The following PHACTR3 variants were observed in gnomAD, a reference collection of about 807,000 sequenced individuals.
PHACTR3 encodes phosphatase and actin regulator 3.
Under a neutral mutation model 66.8 loss-of-function variants are expected in PHACTR3, and 16 were observed. The ratio of observed to expected loss-of-function variants is 0.24; its 90% CI spans 0.16 to 0.36. The LOEUF (loss-of-function observed/expected upper bound fraction) is 0.36. Among genes scored for constraint, PHACTR3 ranks in the 10% least tolerant of loss-of-function variants. The pLI, the probability that PHACTR3 is intolerant of heterozygous loss-of-function variation, is 1.00. For synonymous variants in PHACTR3, 323 were observed against 292.1 expected (o/e 1.11, Z -1.08); for missense variants, 647 against 719.9 (o/e 0.90, Z 1.16).
chr20:59,645,099 T>A (rs1600996079), intron 1 of PHACTR3, among the ~76,000 whole-genome samples: 1 of 152,104 alleles, frequency 6.6e-6, no homozygotes, highest in Admixed American at 6.6e-5. Context: ...CTCCCACTCA[T>A]GAGTGAGAAT....
intron 1 of PHACTR3, among the ~76,000 whole-genome samples, chr20:59,657,116 C>T (rs2035643090): frequency 6.6e-6 from 1 of 151,934 alleles, no homozygotes; most frequent in Admixed American, 6.6e-5. Context: ...TTCCGGTTCT[C>T]TTCATTTGTT....
At chr20:59,770,527 A>T (rs2146881393) in intron 5 of PHACTR3, among the ~76,000 whole-genome samples, 1 of 152,314 alleles carries the variant, frequency 6.6e-6, no homozygotes, top group African/African-American at 2.4e-5. Context: ...GTGACTTATA[A>T]ACCACAGAAA....
At chr20:59,719,780 G>T (rs6100565) in intron 1 of PHACTR3, among the ~76,000 whole-genome samples, 6,864 of 152,174 alleles carry the variant, frequency 0.045, 496 homozygotes, top group African/African-American at 0.15. Flanking sequence ...TGCATCACTG[G>T]TGTGACTGAT....
At chr20:59,720,329 T>C (rs990889444) in intron 1 of PHACTR3, among the ~76,000 whole-genome samples, 1 of 152,204 alleles carries the variant, frequency 6.6e-6, no homozygotes, top group Non-Finnish European at 1.5e-5. Flanking sequence ...TGCCCATCAA[T>C]GAATCCAGGT....
At chr20:59,763,194 C>T (rs1295398019) in intron 4 of PHACTR3, among the ~76,000 whole-genome samples, 1 of 152,216 alleles carries the variant, frequency 6.6e-6, no homozygotes, top group African/African-American at 2.4e-5. Flanking sequence ...AGAGACTCTT[C>T]CCCCTTCACT....
intron 1 of PHACTR3, among the ~76,000 whole-genome samples, chr20:59,678,582 A>G (rs577910704): frequency 7.2e-5 from 11 of 152,150 alleles, no homozygotes; most frequent in Non-Finnish European, 1.5e-4. Context: ...TCTTCCCTGC[A>G]TCTTGACATA....
upstream of PHACTR3, among the ~76,000 whole-genome samples, chr20:59,602,687 C>T (rs1387930637): frequency 2.0e-5 from 3 of 152,130 alleles, no homozygotes; most frequent in Non-Finnish European, 2.9e-5. Context: ...CTGCACCTGC[C>T]GTGGCTGGGT....
At position 59,847,159 on chromosome 20, in the gene PHACTR3, T is replaced by G. The variant is rs1205770492; in HGVS notation, c.*29T>G. 2 of 1,495,000 alleles carry G rather than the reference T, an allele frequency of 1.3e-6. No individual in the cohort carries two copies. The highest frequency in any genetic ancestry group is 3.4e-5 in the Admixed American group (2 of 59,268). 92.6% of individuals were successfully genotyped at this position (1,495,000 alleles called of 1,614,324 possible). On this transcript the variant is annotated 3_prime_UTR_variant, in exon 13 of 13. Transcript: ENST00000371015. ...TTTTCTTCTGAGAAGAATTTGTGTT[T>G]AATTTTTTGATACCAACACTGAACA...
intron 1 of PHACTR3, among the ~76,000 whole-genome samples, chr20:59,722,839 G>A (rs371040314): frequency 1.3e-4 from 20 of 152,102 alleles, no homozygotes; most frequent in African/African-American, 4.3e-4. Flanking sequence ...GGGGCATGGG[G>A]GTGGTGGTGA....
chr20:59,807,043 G>GA (rs1418785386), intron 8 of PHACTR3, among the ~76,000 whole-genome samples: 4 of 152,234 alleles, frequency 2.6e-5, no homozygotes, highest in Non-Finnish European at 5.9e-5. Flanking sequence ...AGCAGTGAGT[G>GA]AACGGGAAGG....
At position 59,765,722 on chromosome 20, in the gene PHACTR3, C is replaced by G. The variant is rs764647122; in HGVS notation, c.542-1464C>G. On this transcript the variant is annotated intron_variant, in intron 4 of 12. Transcript: ENST00000371015. ...AGGAATTAGGCCTGTTGTAACACCCCCTCCCTGACCACTGTGTTTTCAGCA... is the reference window on the plus strand; with the variant it reads ...AGGAATTAGGCCTGTTGTAACACCCGCTCCCTGACCACTGTGTTTTCAGCA... 4.7e-4 allele frequency among the ~76,000 whole-genome samples: 71 copies of G among 152,258 alleles called. 1 individual carries two copies. Among genetic ancestry groups the G allele is most frequent in the Non-Finnish European group, 2.5e-4 (17 of 68,028 alleles).
intron 1 of PHACTR3, among the ~76,000 whole-genome samples, chr20:59,580,244 G>A (rs1235762446): frequency 6.6e-6 from 1 of 152,108 alleles, no homozygotes; most frequent in Non-Finnish European, 1.5e-5. Context: ...AAGGGTCCCG[G>A]CACCCAAGGA....
chr20:59,607,042 G>A (rs1195922101), intron 1 of PHACTR3, among the ~76,000 whole-genome samples: 1 of 152,184 alleles, frequency 6.6e-6, no homozygotes, highest in Non-Finnish European at 1.5e-5. Context: ...GAGGGAACTT[G>A]GGAACTTGAT....
chr20:59,779,493 G>T (rs75894882), intron 7 of PHACTR3, among the ~76,000 whole-genome samples: 2 of 152,116 alleles, frequency 1.3e-5, no homozygotes, highest in Non-Finnish European at 2.9e-5. Flanking sequence ...CCACTGTCTC[G>T]CCTGATACAT....
intron 8 of PHACTR3, among the ~76,000 whole-genome samples, chr20:59,806,939 T>G (rs1002706684): frequency 6.6e-6 from 1 of 152,174 alleles, no homozygotes; most frequent in Non-Finnish European, 1.5e-5. Context: ...AGTAAAAATA[T>G]GACATACAAA....
At chr20:59,754,666 CCT>C (rs1168737550) in intron 3 of PHACTR3, among the ~76,000 whole-genome samples, 1 of 152,244 alleles carries the variant, frequency 6.6e-6, no homozygotes, top group African/African-American at 2.4e-5. Context: ...TTTGTTGTCC[CCT>C]GTCTGGGTTG....
intron 2 of PHACTR3, among the ~76,000 whole-genome samples, chr20:59,744,391 C>T (rs2039288855): frequency 6.6e-6 from 1 of 152,218 alleles, no homozygotes; most frequent in Non-Finnish European, 1.5e-5. Context: ...CAGCCACATG[C>T]CTGTGAGCCA....
intron 11 of PHACTR3, among the ~76,000 whole-genome samples, chr20:59,842,230 T>C (rs942762388): frequency 6.6e-6 from 1 of 152,164 alleles, no homozygotes; most frequent in African/African-American, 2.4e-5. Flanking sequence ...AGCCCAAGAG[T>C]GTCCATAGAG....
chr20:59,676,245 G>A (rs913053855), intron 1 of PHACTR3, among the ~76,000 whole-genome samples: 2 of 152,234 alleles, frequency 1.3e-5, no homozygotes, highest in Non-Finnish European at 2.9e-5. Context: ...GCCATCGTGG[G>A]TTCTGTATAT....
Sources: allele counts gnomAD v4.1 joint callset (sites outside exome capture counted in the v4.1 genomes callset), GRCh38; gene constraint gnomAD v4.1.1; transcripts MANE v1.5; gene names NCBI Gene and HGNC (gene_info 2026-07-23, HGNC 2026-07-21).